The following LDLRAD4 variants were observed in gnomAD, a reference collection of about 807,000 sequenced individuals.
The protein encoded by LDLRAD4 is low density lipoprotein receptor class A domain containing 4.
LDLRAD4 carries 5 observed loss-of-function variants against 17.0 expected under a neutral mutation model. The ratio of observed to expected loss-of-function variants is 0.29; its 90% CI spans 0.15 to 0.62. The LOEUF (loss-of-function observed/expected upper bound fraction) is 0.62, where lower values mean the gene tolerates loss of function less well. Ranked by LOEUF, LDLRAD4 falls within the 20% of genes least tolerant of loss-of-function variation. The pLI is 0.84. For missense variants in LDLRAD4, 340 were observed against 424.7 expected, an observed-to-expected ratio of 0.80 and a Z score of 1.75; for synonymous variants, 168 against 171.8, an observed-to-expected ratio of 0.98 and a Z score of 0.17.
chr18:13,386,946 A>AGATGGATG (rs1233023596), intron 1 of LDLRAD4, among the ~76,000 whole-genome samples: 2 of 98,384 alleles, frequency 2.0e-5, no homozygotes, highest in South Asian at 2.9e-4. Flanking sequence ...ATAGATAGAT[A>AGATGGATG]GATGGATGGA....
intron 3 of LDLRAD4, among the ~76,000 whole-genome samples, chr18:13,510,561 A>C (rs2093761661): frequency 6.6e-6 from 1 of 152,220 alleles, no homozygotes; most frequent in African/African-American, 2.4e-5. Flanking sequence ...AAGACTACAT[A>C]TTGGGTACAG....
chr18:13,269,744 G>A (rs2044419426), intron 1 of LDLRAD4, among the ~76,000 whole-genome samples: 1 of 152,136 alleles, frequency 6.6e-6, no homozygotes, highest in Non-Finnish European at 1.5e-5. Context: ...TTTTCATCTT[G>A]AATGGTTCAT....
intron 2 of LDLRAD4, among the ~76,000 whole-genome samples, chr18:13,406,117 C>T (rs2087722021): frequency 1.3e-5 from 2 of 152,196 alleles, no homozygotes; most frequent in Non-Finnish European, 2.9e-5. Context: ...TGCTGGCAGC[C>T]CCAGTGCTAG....
intron 3 of LDLRAD4, among the ~76,000 whole-genome samples, chr18:13,603,841 C>A (rs143588898): frequency 1.3e-5 from 2 of 152,346 alleles, no homozygotes; most frequent in Non-Finnish European, 2.9e-5. Flanking sequence ...ACAGCAGGGA[C>A]AAGGGCGGTT....
chr18:13,251,896 T>C (rs2043239169), intron 1 of LDLRAD4, among the ~76,000 whole-genome samples: 1 of 152,240 alleles, frequency 6.6e-6, no homozygotes. Flanking sequence ...GGCCCATTAT[T>C]GAGGAGGCTA....
intron 3 of LDLRAD4, among the ~76,000 whole-genome samples, chr18:13,556,334 A>G (rs1299990267): frequency 1.3e-5 from 2 of 152,236 alleles, no homozygotes; most frequent in Non-Finnish European, 2.9e-5. Context: ...TTCTGAGTTG[A>G]CAGAAATTGG....
chr18:13,326,151 A>C lies in LDLRAD4; in HGVS notation c.-383+47963A>C, dbSNP rs574371904. Among the ~76,000 whole-genome samples, 50 of 152,254 alleles carry C rather than the reference A, an allele frequency of 3.3e-4. No homozygotes were observed. The South Asian group carries it at 9.9e-3, about 30-fold the overall frequency. On this transcript the variant is annotated intron_variant, in intron 1 of 5. Coordinates refer to ENST00000359446, the Ensembl canonical transcript of LDLRAD4. ...GAGGTCTCAATTGTTGACGTTTATT[A>C]AGCCAGCTTTAGGGTGCATCTGGAA...
At chr18:13,612,552 C>CA in intron 3 of LDLRAD4, 1 of 1,449,862 alleles carries the variant, frequency 6.9e-7, no homozygotes, top group African/African-American at 1.4e-5. Context: ...CACACCCCCC[C>CA]CCCCTCCACG....
At chr18:13,524,248 T>G (rs2093996161) in intron 3 of LDLRAD4, among the ~76,000 whole-genome samples, 1 of 152,194 alleles carries the variant, frequency 6.6e-6, no homozygotes, top group Admixed American at 6.5e-5. Context: ...ATTTTACACT[T>G]TACTTTGAAA....
chr18:13,340,913 G>T (rs1014507407), intron 1 of LDLRAD4, among the ~76,000 whole-genome samples: 1 of 152,050 alleles, frequency 6.6e-6, no homozygotes, highest in African/African-American at 2.4e-5. Flanking sequence ...TATGTATGGT[G>T]TAGGACAAGG....
intron 3 of LDLRAD4, among the ~76,000 whole-genome samples, chr18:13,446,222 T>C (rs1442582340): frequency 6.6e-6 from 1 of 152,124 alleles, no homozygotes; most frequent in African/African-American, 2.4e-5. Context: ...GGTGGGGTGA[T>C]TTACTCAGAG....
chr18:13,553,432 T>C (rs1324447378), intron 3 of LDLRAD4, among the ~76,000 whole-genome samples: 1 of 152,244 alleles, frequency 6.6e-6, no homozygotes, highest in Non-Finnish European at 1.5e-5. Context: ...TCTTAAAATA[T>C]GTCTGTAAAC....
intron 1 of LDLRAD4, among the ~76,000 whole-genome samples, chr18:13,281,692 G>C (rs576858970): frequency 7.4e-4 from 112 of 152,158 alleles, no homozygotes; most frequent in African/African-American, 2.6e-3. Context: ...TCTATTCAGG[G>C]GTCTCCCTTG....
intron 3 of LDLRAD4, among the ~76,000 whole-genome samples, chr18:13,546,678 C>T (rs773476710): frequency 7.9e-5 from 12 of 152,082 alleles, no homozygotes; most frequent in African/African-American, 2.2e-4. Context: ...AAAAGTAGTC[C>T]GTGTGTGCAG....
intron 2 of LDLRAD4, among the ~76,000 whole-genome samples, chr18:13,390,326 T>C (rs2086171830): frequency 6.6e-6 from 1 of 152,202 alleles, no homozygotes; most frequent in Non-Finnish European, 1.5e-5. Context: ...TATGTGTCCT[T>C]TGCCAGGTGT....
intron 3 of LDLRAD4, among the ~76,000 whole-genome samples, chr18:13,483,177 T>A (rs1249025012): frequency 1.3e-5 from 2 of 152,182 alleles, no homozygotes; most frequent in Non-Finnish European, 2.9e-5. Flanking sequence ...ACAGGTTTTA[T>A]CCCTGGTCTC....
chr18:13,612,675 G>A (rs2148729139), intron 3 of LDLRAD4: 4 of 1,613,844 alleles, frequency 2.5e-6, no homozygotes, highest in Non-Finnish European at 3.4e-6. Flanking sequence ...CTGCGTCACA[G>A]TTGGACTCCC....
chr18:13,494,775 G>A (rs1317416092), intron 3 of LDLRAD4, among the ~76,000 whole-genome samples: 4 of 147,670 alleles, frequency 2.7e-5, no homozygotes, highest in African/African-American at 7.6e-5. Context: ...TGCCCCTAGC[G>A]CCTCCCAGGA....
At position 13,449,141 on chromosome 18, in the gene LDLRAD4, G is replaced by T. The variant is rs1227100053; in HGVS notation, c.181+10757G>T. Among the ~76,000 whole-genome samples, 6 of 152,246 alleles carry T rather than the reference G, an allele frequency of 3.9e-5. No individual in the cohort carries two copies. In the East Asian group the frequency reaches 7.7e-4, roughly 20 times the overall value. On this transcript the variant is annotated intron_variant, in intron 3 of 5. Coordinates refer to ENST00000359446, the Ensembl canonical transcript of LDLRAD4. ...AGACAATCACTGGAGAGGGAAGAAA[G>T]AAATCTTGTTTCAGGAGTTTGCAGT...
Sources: gnomAD v4.1 joint callset for allele counts (sites outside exome capture counted in the v4.1 genomes callset) on GRCh38, gnomAD v4.1.1 for gene constraint, MANE v1.5 for transcripts, NCBI Gene and HGNC (gene_info 2026-07-23, HGNC 2026-07-21) for gene names.